NKAIN2: variants seen among roughly 807,000 people sequenced by gnomAD.
The protein encoded by NKAIN2 is sodium/potassium-transporting ATPase subunit beta-1-interacting protein 2.
A neutral mutation model predicts 32.6 loss-of-function variants in NKAIN2; 14 were observed. The observed-to-expected ratio is 0.43, with a 90% CI of 0.28 to 0.67. The LOEUF is 0.67. NKAIN2 is among the 30% of genes least tolerant of loss of function. The pLI, the probability that NKAIN2 is intolerant of heterozygous loss-of-function variation, is 0.17. For missense variants in NKAIN2, 198 were observed against 258.3 expected (o/e 0.77, Z 1.60); for synonymous variants, 80 against 87.2 (o/e 0.92, Z 0.46).
chr6:124,157,102 CAAAAAAAAA>C (rs386408503), intron 1 of NKAIN2, among the ~76,000 whole-genome samples: 1 of 48,978 alleles, frequency 2.0e-5, no homozygotes, highest in East Asian at 7.1e-4. Flanking sequence ...GACTCTGTCT[CAAAAAAAAA>C]AAAAAAAAAA....
At chr6:124,821,286 C>T (rs1182583083) in intron 6 of NKAIN2, among the ~76,000 whole-genome samples, 1 of 147,852 alleles carries the variant, frequency 6.8e-6, no homozygotes, top group Non-Finnish European at 1.5e-5. Context: ...CAAAGTGAGG[C>T]TCTGTCTCAA....
intron 1 of NKAIN2, among the ~76,000 whole-genome samples, chr6:123,905,736 A>T (rs1264737732): frequency 6.6e-6 from 1 of 152,140 alleles, no homozygotes; most frequent in Non-Finnish European, 1.5e-5. Flanking sequence ...TATCTGGGAA[A>T]CACTACCAAT....
chr6:123,909,946 T>G (rs1205867184), intron 1 of NKAIN2, among the ~76,000 whole-genome samples: 3 of 151,916 alleles, frequency 2.0e-5, no homozygotes, highest in Non-Finnish European at 2.9e-5. Context: ...GATTATTAAA[T>G]CTAGGCTGAA....
intron 3 of NKAIN2, among the ~76,000 whole-genome samples, chr6:124,513,340 G>A (rs2114778455): frequency 6.6e-6 from 1 of 152,194 alleles, no homozygotes; most frequent in Non-Finnish European, 1.5e-5. Context: ...ATGTGCCTAT[G>A]TAAGAAAGTG....
At chr6:124,337,764 G>A (rs980809576) in intron 2 of NKAIN2, among the ~76,000 whole-genome samples, 6 of 152,136 alleles carry the variant, frequency 3.9e-5, no homozygotes, top group Non-Finnish European at 7.3e-5. Flanking sequence ...TGATACATTA[G>A]CAAGCCTATC....
In NKAIN2 at chr6:124,274,314, ATCATAG is replaced by A. The variant is rs565090937; in HGVS notation, c.55-8689_55-8684del. Among the ~76,000 whole-genome samples the A allele has an allele frequency of 1.6e-4, 25 of 152,334 alleles. No individual in the cohort carries two copies. The East Asian group carries it at 4.8e-3, about 29-fold the overall frequency. On this transcript the variant is annotated intron_variant, in intron 1 of 6. Transcript: ENST00000368417. Reference sequence around the variant, plus strand: ...ATAATCATGGTTATTTTATAAGGTCATCATAGTGATTATAGGAATTTGCAAACCATG... The same window carrying A: ...ATAATCATGGTTATTTTATAAGGTCATGATTATAGGAATTTGCAAACCATG...
At chr6:124,555,716 A>G (rs533467367) in intron 3 of NKAIN2, among the ~76,000 whole-genome samples, 1 of 152,350 alleles carries the variant, frequency 6.6e-6, no homozygotes, top group East Asian at 1.9e-4. Context: ...TAAAATACAA[A>G]AAATATATAT....
rs941500909 is a variant in NKAIN2, at chr6:124,535,266, G to A, written c.274-122920G>A. On this transcript the variant is annotated intron_variant, in intron 3 of 6. Transcript: ENST00000368417. The stretch of plus-strand genomic sequence containing the variant: ...CATATTCAATCTATTTTTTTATCTA[G>A]GACAGTAGTTAGCACATTGCTGAGT... 2.0e-5 allele frequency among the ~76,000 whole-genome samples: 3 copies of A among 152,240 alleles called. No individual in the cohort carries two copies. The East Asian group carries it at 5.8e-4, about 29-fold the overall frequency.
intron 1 of NKAIN2, among the ~76,000 whole-genome samples, chr6:124,111,921 T>G (rs577759686): frequency 7.3e-4 from 111 of 152,208 alleles, no homozygotes; most frequent in African/African-American, 2.2e-3. Context: ...GCTAATAAGT[T>G]GAATTGCATA....
intron 1 of NKAIN2, among the ~76,000 whole-genome samples, chr6:124,164,696 T>C (rs1056816748): frequency 2.6e-5 from 4 of 152,100 alleles, no homozygotes; most frequent in Admixed American, 6.6e-5. Context: ...CATAAGTATG[T>C]TTTAAGTAGT....
chr6:124,176,027 T>A (rs1250106278), intron 1 of NKAIN2, among the ~76,000 whole-genome samples: 1 of 152,210 alleles, frequency 6.6e-6, no homozygotes, highest in African/African-American at 2.4e-5. Context: ...ATATTGTAGT[T>A]TAGGCTCCAG....
At chr6:124,396,448 GAAAAA>G (rs1773386202) in intron 3 of NKAIN2, among the ~76,000 whole-genome samples, 1 of 146,354 alleles carries the variant, frequency 6.8e-6, no homozygotes, top group Non-Finnish European at 1.5e-5. Context: ...AAAAAGAAAA[GAAAAA>G]AAGAGATTCA....
At chr6:123,966,483 G>A (rs2114624966) in intron 1 of NKAIN2, among the ~76,000 whole-genome samples, 1 of 152,248 alleles carries the variant, frequency 6.6e-6, no homozygotes, top group Middle Eastern at 3.4e-3. Context: ...ATGTATTAAA[G>A]GCTTTAGCAG....
chr6:124,148,232 T>G (rs1787519729), intron 1 of NKAIN2, among the ~76,000 whole-genome samples: 1 of 152,176 alleles, frequency 6.6e-6, no homozygotes, highest in South Asian at 2.1e-4. Context: ...TATTTTAACA[T>G]TTTAAATAAT....
At chr6:124,340,751 G>T (rs1798079873) in intron 2 of NKAIN2, among the ~76,000 whole-genome samples, 1 of 152,134 alleles carries the variant, frequency 6.6e-6, no homozygotes, top group Non-Finnish European at 1.5e-5. Context: ...TTACATACAT[G>T]CAGGGTAATG....
intron 2 of NKAIN2, among the ~76,000 whole-genome samples, chr6:124,288,707 T>C (rs1056480485): frequency 1.3e-5 from 2 of 152,170 alleles, no homozygotes; most frequent in Non-Finnish European, 1.5e-5. Flanking sequence ...ATTATAATTA[T>C]ATGTTAAATA....
intron 3 of NKAIN2, among the ~76,000 whole-genome samples, chr6:124,381,611 C>T (rs976952787): frequency 2.6e-5 from 4 of 152,134 alleles, no homozygotes; most frequent in African/African-American, 7.2e-5. Flanking sequence ...TACGTTTCAT[C>T]GAACTTCTCT....
In NKAIN2 at chr6:124,618,579, G is replaced by A. The variant is rs565490874; in HGVS notation, c.274-39607G>A. On this transcript the variant is annotated intron_variant, in intron 3 of 6. Coordinates refer to ENST00000368417, the MANE Select transcript of NKAIN2 (RefSeq NM_001040214.3). ...ATACCTGAAAGTTCCTGCTAGTATAGTTTGCTTTGTAAGGTTGTTCTCCAA... is the reference window on the plus strand; with the variant it reads ...ATACCTGAAAGTTCCTGCTAGTATAATTTGCTTTGTAAGGTTGTTCTCCAA... Among the ~76,000 whole-genome samples the A allele has an allele frequency of 4.5e-4, 68 of 152,266 alleles. 1 individual carries two copies. In the South Asian group the frequency reaches 0.013, roughly 30 times the overall value.
intron 3 of NKAIN2, among the ~76,000 whole-genome samples, chr6:124,366,517 A>G (rs533910889): frequency 6.6e-6 from 1 of 152,270 alleles, no homozygotes; most frequent in East Asian, 1.9e-4. Context: ...TAGGAATGTT[A>G]TACTACCAAT....
Sources: allele counts gnomAD v4.1 joint callset (sites outside exome capture counted in the v4.1 genomes callset), GRCh38; gene constraint gnomAD v4.1.1; transcripts MANE v1.5; gene names NCBI Gene and HGNC (gene_info 2026-07-23, HGNC 2026-07-21).